STAB1: variants seen among roughly 807,000 people sequenced by gnomAD.
STAB1 encodes the protein stabilin 1, also known as stabilin-1.
A neutral mutation model predicts 332.4 loss-of-function variants in STAB1; 250 were observed. The observed-to-expected ratio is 0.75, with a 90% confidence interval of 0.68 to 0.84. The LOEUF is 0.84. Among genes scored for constraint, STAB1 ranks in the 40% least tolerant of loss-of-function variants. The pLI is 0.00. For synonymous variants in STAB1, 1,475 were observed against 1,390.4 expected, an observed-to-expected ratio of 1.06 and a Z score of -1.35; for missense variants, 3,249 against 3,489.7, an observed-to-expected ratio of 0.93 and a Z score of 1.74.
intron 2 of STAB1, 142 bp downstream of exon 2, chr3:52,501,444 G>A: frequency 7.4e-7 from 1 of 1,357,926 alleles, no homozygotes; most frequent in Middle Eastern, 2.5e-4. Context: ...GGTGGAGATA[G>A]GCGGGGAGGA....
chr3:52,511,740 G>A lies in STAB1; in HGVS notation c.2878G>A (p.Gly960Ser), dbSNP rs201709604. 1.3e-4 allele frequency: 206 copies of A among 1,588,960 alleles called. No homozygotes were observed. Among genetic ancestry groups the A allele is most frequent in the African/African-American group, 3.8e-4 (28 of 74,642 alleles). ...CCGGGCAGGCAATGGCGGCTGCCAC[G>A]GCCTGGTAAGGGGGTGCAAGGCTCA... ...PCRAGNGGCH[G>S]LATCRAVGGG... is the part of the protein sequence containing the mutation. The change falls in exon 26 of 69, where the codon GGC (glycine) becomes AGC (serine). Residue 960 changes from glycine to serine, a missense_variant. Coordinates refer to ENST00000321725, the MANE Select transcript of STAB1 (RefSeq NM_015136.3).
rs1320116720 is a variant in STAB1, at chr3:52,506,839, A to G, written c.1978A>G (p.Lys660Glu). 6.2e-7 allele frequency: 1 copy of G among 1,613,000 alleles called. No individual in the cohort carries two copies. The highest frequency in any genetic ancestry group is 8.5e-7 in the Non-Finnish European group (1 of 1,179,892). Residue 660 changes from lysine to glutamate, a missense_variant, in exon 18 of 69, where the codon AAG becomes GAG. Lys to Glu is a moderately conservative substitution (Grantham distance 56). Transcript: ENST00000321725. ...CAAGCACTGCAGCGAGGAGCAGCAC[A>G]AGATTGTGGCGGTGAGCCTCGCCTG... Reference protein sequence around the residue: ...LPKHCSEEQHKIVAGSCVDCQ... With the variant: ...LPKHCSEEQHEIVAGSCVDCQ...
chr3:52,497,519 T>C (rs930140671), intron 1 of STAB1, among the ~76,000 whole-genome samples: 2 of 151,040 alleles, frequency 1.3e-5, no homozygotes, highest in Non-Finnish European at 2.9e-5. Flanking sequence ...TTCAAGGGAT[T>C]CTCCTGACTC....
intron 1 of STAB1, among the ~76,000 whole-genome samples, chr3:52,498,173 C>G (rs1437300676): frequency 6.6e-6 from 1 of 152,258 alleles, no homozygotes; most frequent in Non-Finnish European, 1.5e-5. Context: ...CATCCACCTT[C>G]TCACCAAAGA....
At position 52,514,989 on chromosome 3, in the gene STAB1, G is replaced by A; in HGVS notation, c.3808G>A (p.Glu1270Lys). 4 of 1,613,528 alleles carry A rather than the reference G, an allele frequency of 2.5e-6. No homozygotes were observed. Among genetic ancestry groups the A allele is most frequent in the Non-Finnish European group, 3.4e-6 (4 of 1,179,998 alleles). ...CLHSHAEALR[E>K]KCVNCTRRFR... ...GATGCCCCACCCTTTTTCCCTCTAGGAGAAATGTGTAAACTGCACCAGGAG... is the reference window on the plus strand; with the variant it reads ...GATGCCCCACCCTTTTTCCCTCTAGAAGAAATGTGTAAACTGCACCAGGAG... Residue 1270 changes from glutamate (E) to lysine (K), a missense_variant and splice_region_variant, in exon 36 of 69, where the codon GAG (glutamate) becomes AAG (lysine). Physicochemically the swap from Glu to Lys is moderately conservative, Grantham distance 56. Transcript: ENST00000321725.
chr3:52,522,413 C>T lies in STAB1; in HGVS notation c.6549C>T (p.Arg2183=). ...AGGAGTCGGAACCACCTGTGGACCG[C>T]TGCTTGGGCCAGCCACCGCCCTGCC... ...CLEESEPPVD[R]CLGQPPPCHS... Residue 2183 remains arginine (R), a synonymous_variant, in exon 60 of 69, where the codon CGC becomes CGT. Coordinates refer to ENST00000321725, the MANE Select transcript of STAB1 (RefSeq NM_015136.3). 6.2e-7 allele frequency: 1 copy of T among 1,613,014 alleles called. No homozygotes were observed. Among genetic ancestry groups the T allele is most frequent in the Non-Finnish European group, 8.5e-7 (1 of 1,180,030 alleles).
At position 52,518,837 on chromosome 3, in the gene STAB1, T is replaced by C; in HGVS notation, c.5002T>C (p.Ser1668Pro). The change falls in exon 48 of 69, where the codon TCA (serine) becomes CCA (proline). Residue 1668 changes from serine to proline, a missense_variant. Coordinates refer to ENST00000321725, the MANE Select transcript of STAB1 (RefSeq NM_015136.3). ...LLEQGYATAL[S>P]GHPLRFSERE... ...GGAGCAGGGGTACGCCACGGCCCTC[T>C]CAGGGCACCCACTGCGCTTCAGCGA... The C allele has an allele frequency of 6.2e-7, 1 of 1,607,270 alleles. No individual in the cohort carries two copies.
At position 52,509,204 on chromosome 3, in the gene STAB1, C is replaced by G; in HGVS notation, c.2236-6C>G. 1 of 1,612,882 alleles carries G rather than the reference C, an allele frequency of 6.2e-7. No homozygotes were observed. The highest frequency in any genetic ancestry group is 8.5e-7 in the Non-Finnish European group (1 of 1,179,394). On this transcript the variant is annotated splice_region_variant and splice_polypyrimidine_tract_variant and intron_variant, in intron 21 of 68. Transcript: ENST00000321725. ...TGACTGATCCTGCCTTCTGCTCACT[C>G]TCTAGTGCAGTGATGGGATCCAGGG...
At position 52,521,917 on chromosome 3, in the gene STAB1, C is replaced by T. The variant is rs140049052; in HGVS notation, c.6237C>T (p.Ser2079=). 1 of 1,609,262 alleles carries T rather than the reference C, an allele frequency of 6.2e-7. No homozygotes were observed. Among genetic ancestry groups the T allele is most frequent in the East Asian group, 2.2e-5 (1 of 44,784 alleles). ...GTGCAGGCAACAGCTGTGAGTGCAG[C>T]CTGGGCTATGAAGGGGATGGCCGTG... is the stretch of plus-strand genomic sequence containing the variant. The part of the protein sequence containing the change: ...VCRAGNSCEC[S]LGYEGDGRVC... Residue 2079 remains serine (S), a synonymous_variant, in exon 58 of 69, where the codon AGC becomes AGT. Coordinates refer to ENST00000321725, the MANE Select transcript of STAB1 (RefSeq NM_015136.3).
At chr3:52,514,611 G>C (rs1193946715) in intron 34 of STAB1, 90 bp from the exon 35 acceptor site, 1 of 1,585,622 alleles carries the variant, frequency 6.3e-7, no homozygotes, top group Admixed American at 1.7e-5. Context: ...GCTCCAGGGA[G>C]CCCCCCGGCC....
chr3:52,519,208 G>A lies in STAB1; in HGVS notation c.5035-56G>A, dbSNP rs1404337098. 97 of 1,568,616 alleles carry A rather than the reference G, an allele frequency of 6.2e-5. No individual in the cohort carries two copies. In the East Asian group the frequency reaches 1.8e-3, roughly 30 times the overall value. Reference sequence around the variant, plus strand: ...AGGTTCAACCTCCACCTCAGGCCCCGATAGCTTCCGAGCACCCCACCTATC... The same window carrying A: ...AGGTTCAACCTCCACCTCAGGCCCCAATAGCTTCCGAGCACCCCACCTATC... On this transcript the variant is annotated intron_variant, in intron 48 of 68. Coordinates refer to ENST00000321725, the MANE Select transcript of STAB1 (RefSeq NM_015136.3).
At position 52,506,163 on chromosome 3, in the gene STAB1, G is replaced by T. The variant is rs754049358; in HGVS notation, c.1750-7G>T. On this transcript the variant is annotated splice_polypyrimidine_tract_variant and splice_region_variant and intron_variant, in intron 16 of 68. Coordinates refer to ENST00000321725, the MANE Select transcript of STAB1 (RefSeq NM_015136.3). ...CCAGCCTAAAGCCACACTGTCCCTT[G>T]CCCCAGCTGACCGTTGAGAAGCTCA... 6.2e-7 allele frequency: 1 copy of T among 1,609,566 alleles called. No individual in the cohort carries two copies. The highest frequency in any genetic ancestry group is 1.1e-5 in the South Asian group (1 of 90,136).
intron 13 of STAB1, 59 bp from the exon 14 acceptor site, chr3:52,505,260 G>T (rs541250477): frequency 6.2e-6 from 10 of 1,607,090 alleles, no homozygotes; most frequent in African/African-American, 5.3e-5. Flanking sequence ...GCTTCTCCCC[G>T]CTGGGCTGAA....
rs552968426 is a variant in STAB1, at chr3:52,500,648, C to T, written c.79-518C>T. ...TGTGCCCATGAGTTGAGGATGGAGT[C>T]GCCGTGTCCTCCCAAGACAGCATCA... On this transcript the variant is annotated intron_variant, in intron 1 of 68. Coordinates refer to ENST00000321725, the MANE Select transcript of STAB1 (RefSeq NM_015136.3). 2.0e-5 allele frequency among the ~76,000 whole-genome samples: 3 copies of T among 152,314 alleles called. No homozygotes were observed. The East Asian group carries it at 5.8e-4, about 29-fold the overall frequency.
chr3:52,524,116 A>G lies in STAB1; in HGVS notation c.7559A>G (p.Asp2520Gly), dbSNP rs1344754143. The part of the protein sequence containing the change: ...FSAFQAEDDA[D>G]DDFSPWQEGT... Reference sequence around the variant, plus strand: ...TGCTCCCAGGCGGAAGATGATGCTGATGACGACTTCTCACCGTGGCAAGAA... The same window carrying G: ...TGCTCCCAGGCGGAAGATGATGCTGGTGACGACTTCTCACCGTGGCAAGAA... The change falls in exon 68 of 69, where the codon GAT becomes GGT. Residue 2520 changes from aspartate (D) to glycine (G), a missense_variant. Transcript: ENST00000321725. 1 of 1,613,680 alleles carries G rather than the reference A, an allele frequency of 6.2e-7. No individual in the cohort carries two copies. Among genetic ancestry groups the G allele is most frequent in the Admixed American group, 1.7e-5 (1 of 60,030 alleles).
chr3:52,516,332 C>T (rs1341256426), intron 38 of STAB1, 24 bp from the exon 39 acceptor site: 2 of 1,605,380 alleles, frequency 1.2e-6, no homozygotes, highest in Admixed American at 1.7e-5. Context: ...TGGGCAACTC[C>T]TATCCTCCTT....
intron 48 of STAB1, 32 bp downstream of exon 48, chr3:52,518,901 T>TCCTGC (rs2078970880): frequency 2.9e-6 from 3 of 1,018,844 alleles, no homozygotes; most frequent in Admixed American, 3.1e-5. Context: ...CCCCGCTCCA[T>TCCTGC]CCCGCCCCGC....
intron 40 of STAB1, 22 bp downstream of exon 40, chr3:52,516,609 C>T (rs372457317): frequency 1.3e-4 from 202 of 1,611,902 alleles, no homozygotes; most frequent in Middle Eastern, 1.2e-3. Flanking sequence ...CAGCCTGGGG[C>T]GGGTGGGTGA....
At chr3:52,518,127 C>G in intron 45 of STAB1, 124 bp downstream of exon 45, 5 of 1,502,486 alleles carry the variant, frequency 3.3e-6, no homozygotes, top group Non-Finnish European at 3.6e-6. Flanking sequence ...TGAGCCTGAC[C>G]CCTGATTGTA....
Sources: allele counts gnomAD v4.1 joint callset (sites outside exome capture counted in the v4.1 genomes callset), GRCh38; gene constraint gnomAD v4.1.1; transcripts MANE v1.5; gene names NCBI Gene and HGNC (gene_info 2026-07-23, HGNC 2026-07-21).